Variants in HDGFL1 observed in about 807,000 individuals in gnomAD.
HDGFL1 encodes the protein HDGF like 1.
For synonymous variants in HDGFL1, 190 were observed against 165.1 expected, an observed-to-expected ratio of 1.15 and a Z score of -1.16; for missense variants, 422 against 365.3, an observed-to-expected ratio of 1.16 and a Z score of -1.27.
Position 22,570,111 on chromosome 6 carries a change from C to T in HDGFL1, c.536C>T (p.Ala179Val). 1.3e-6 allele frequency: 2 copies of T among 1,534,136 alleles called. No individual in the cohort carries two copies. The highest frequency in any genetic ancestry group is 8.8e-7 in the Non-Finnish European group (1 of 1,141,116). The change falls in exon 1 of 1, where the codon GCG (alanine) becomes GTG (valine). Residue 179 changes from alanine (A) to valine (V), a missense_variant. Physicochemically the swap from Ala to Val is moderately conservative, Grantham distance 64. Coordinates refer to ENST00000510882, the MANE Select transcript of HDGFL1 (RefSeq NM_138574.4). ...EEAEAERAAEAERAAAAAAAT... is the reference protein window; with the variant it reads ...EEAEAERAAEVERAAAAAAAT... ...GCGGAGGCGGAGAGGGCGGCGGAAG[C>T]GGAGAGGGCGGCGGCGGCGGCGGCG... is the stretch of plus-strand genomic sequence containing the variant.
chr6:22,570,133 G>GAA, the HDGFL1 span: 2 of 1,536,962 alleles, frequency 1.3e-6, no homozygotes, highest in Non-Finnish European at 1.7e-6. Context: ...CGGCGGCGGC[G>GAA]GCGGCGACGG....
In HDGFL1 at chr6:22,569,753, A is replaced by C. The variant is rs776300718; in HGVS notation, c.178A>C (p.Lys60Gln). ...FLSPKRLFPY[K>Q]ECKEKFGKPN... ...GAGTCCCAAACGCCTGTTCCCGTAC[A>C]AGGAGTGCAAGGAGAAGTTCGGCAA... Residue 60 changes from lysine (K) to glutamine (Q), a missense_variant, in exon 1 of 1, where the codon AAG becomes CAG. By Grantham distance (53) the Lys-to-Gln change is moderately conservative. Transcript: ENST00000510882. 2.5e-6 allele frequency: 4 copies of C among 1,614,058 alleles called. No individual in the cohort carries two copies. The highest frequency in any genetic ancestry group is 3.4e-6 in the Non-Finnish European group (4 of 1,180,014).
rs1299453564 is a variant in HDGFL1, at chr6:22,569,596, C to T, written c.21C>T (p.Pro7=). The change falls in exon 1 of 1, where the codon CCC becomes CCT. Residue 7 remains proline (P), a synonymous_variant. Transcript: ENST00000510882. The part of the protein sequence containing the change: MSAYGM[P]MYKSGDLVFA... Reference sequence around the variant, plus strand: ...CAGCTATGTCGGCCTACGGCATGCCCATGTACAAGAGCGGGGACCTGGTGT... The same window carrying T: ...CAGCTATGTCGGCCTACGGCATGCCTATGTACAAGAGCGGGGACCTGGTGT... The T allele has an allele frequency of 1.9e-6, 3 of 1,614,104 alleles. No individual in the cohort carries two copies. The highest frequency in any genetic ancestry group is 1.1e-5 in the South Asian group (1 of 91,078).
Position 22,570,033 on chromosome 6 carries a change from C to A in HDGFL1, c.458C>A (p.Pro153Gln), listed in dbSNP as rs1760889490. The A allele has an allele frequency of 6.5e-7, 1 of 1,546,718 alleles. No individual in the cohort carries two copies. Among genetic ancestry groups the A allele is most frequent in the African/African-American group, 1.4e-5 (1 of 73,048 alleles). ...CTGAAGAGGAGCGCGGGGGACCCGCCGGAGGACGCCCCCAAACGACCCAAG... is the reference window on the plus strand; with the variant it reads ...CTGAAGAGGAGCGCGGGGGACCCGCAGGAGGACGCCCCCAAACGACCCAAG... ...GPLKRSAGDP[P>Q]EDAPKRPKEA... Residue 153 changes from proline (P) to glutamine (Q), a missense_variant, in exon 1 of 1, where the codon CCG becomes CAG. Pro to Gln is a moderately conservative substitution (Grantham distance 76). Coordinates refer to ENST00000510882, the MANE Select transcript of HDGFL1 (RefSeq NM_138574.4).
the HDGFL1 span, chr6:22,569,814 G>A: frequency 6.2e-7 from 1 of 1,613,280 alleles, no homozygotes; most frequent in Non-Finnish European, 8.5e-7. Flanking sequence ...GCGGGGCTGT[G>A]GGAAATCGAG....
chr6:22,570,157 G>A lies in HDGFL1; in HGVS notation c.582G>A (p.Glu194=), dbSNP rs1164834070. 2.6e-6 allele frequency: 4 copies of A among 1,556,156 alleles called. No individual in the cohort carries two copies. Among genetic ancestry groups the A allele is most frequent in the African/African-American group, 1.4e-5 (1 of 73,758 alleles). ...AAAAATAVDE[E]SPFLVAVENG... is the part of the protein sequence containing the mutation. ...CGGCGGCGACGGCCGTCGACGAGGA[G>A]AGTCCGTTCCTCGTGGCGGTGGAGA... Residue 194 remains glutamate, a synonymous_variant, in exon 1 of 1, where the codon GAG becomes GAA. Coordinates refer to ENST00000510882, the MANE Select transcript of HDGFL1 (RefSeq NM_138574.4).
In HDGFL1 at chr6:22,570,443, G is replaced by C. The variant is rs532324381; in HGVS notation, c.*112G>C. 8 of 1,180,390 alleles carry C rather than the reference G, an allele frequency of 6.8e-6. No homozygotes were observed. The highest frequency in any genetic ancestry group is 3.3e-5 in the African/African-American group (2 of 61,532). The allele number at this position is 1,180,390 out of a possible 1,614,324, so 73.1% of individuals were successfully genotyped here. A position where few individuals can be genotyped will look rare whatever the true frequency, so the allele number is the denominator to read the frequency against. On this transcript the variant is annotated 3_prime_UTR_variant, in exon 1 of 1. Transcript: ENST00000510882. ...GACTGCCTTTCCCTCTCCTCAGCCC[G>C]TCCTCCTCCAACCCGCGCTCCTTTG...
the HDGFL1 span, chr6:22,570,301 AC>A: frequency 6.7e-7 from 1 of 1,498,848 alleles, no homozygotes; most frequent in African/African-American, 1.4e-5. Context: ...ATGCCGAGGC[AC>A]CGGGCGGCGG....
At position 22,570,482 on chromosome 6, in the gene HDGFL1, C is replaced by G. The variant is rs1760906208; in HGVS notation, c.*151C>G. 1 of 716,234 alleles carries G rather than the reference C, an allele frequency of 1.4e-6. No homozygotes were observed. Among genetic ancestry groups the G allele is most frequent in the Non-Finnish European group, 2.1e-6 (1 of 483,532 alleles). 44.4% of individuals were successfully genotyped at this position (716,234 alleles called of 1,614,324 possible). A position where few individuals can be genotyped will look rare whatever the true frequency, so the allele number is the denominator to read the frequency against. On this transcript the variant is annotated 3_prime_UTR_variant, in exon 1 of 1. Coordinates refer to ENST00000510882, the MANE Select transcript of HDGFL1 (RefSeq NM_138574.4). Reference sequence around the variant, plus strand: ...CGCGCTCCTTTGCCCTGCCGGGCCCCAGGATGGCAGGCCACCTGACTCTCA... The same window carrying G: ...CGCGCTCCTTTGCCCTGCCGGGCCCGAGGATGGCAGGCCACCTGACTCTCA...
rs1278139062 is a variant in HDGFL1 at position 22,570,223 on chromosome 6, G to T, written c.648G>T (p.Pro216=). Reference sequence around the variant, plus strand: ...GCGAGCCGGGCCTGGTCTGCGAGCCGCCTCAGCCAGAGGAGGAGGAGCTCC... The same window carrying T: ...GCGAGCCGGGCCTGGTCTGCGAGCCTCCTCAGCCAGAGGAGGAGGAGCTCC... ...APSEPGLVCE[P]PQPEEEELRE... is the part of the protein sequence containing the mutation. Residue 216 remains proline, a synonymous_variant, in exon 1 of 1, where the codon CCG becomes CCT. Coordinates refer to ENST00000510882, the MANE Select transcript of HDGFL1 (RefSeq NM_138574.4). The T allele has an allele frequency of 6.4e-7, 1 of 1,564,548 alleles. No individual in the cohort carries two copies.
rs999761877 is a variant in HDGFL1 at position 22,570,145 on chromosome 6, C to T, written c.570C>T (p.Ala190=). The T allele has an allele frequency of 3.3e-6, 5 of 1,536,936 alleles. No individual in the cohort carries two copies. Among genetic ancestry groups the T allele is most frequent in the Admixed American group, 2.1e-5 (1 of 46,762 alleles). Residue 190 remains alanine (A), a synonymous_variant, in exon 1 of 1, where the codon GCC becomes GCT. Coordinates refer to ENST00000510882, the MANE Select transcript of HDGFL1 (RefSeq NM_138574.4). ...ERAAAAAAAT[A]VDEESPFLVA... ...CGGCGGCGGCGGCGGCGGCGACGGC[C>T]GTCGACGAGGAGAGTCCGTTCCTCG... is the stretch of plus-strand genomic sequence containing the variant.
chr6:22,570,471 C>G lies in HDGFL1; in HGVS notation c.*140C>G. ...CTCCTCCAACCCGCGCTCCTTTGCC[C>G]TGCCGGGCCCCAGGATGGCAGGCCA... is the stretch of plus-strand genomic sequence containing the variant. On this transcript the variant is annotated 3_prime_UTR_variant, in exon 1 of 1. Coordinates refer to ENST00000510882, the MANE Select transcript of HDGFL1 (RefSeq NM_138574.4). 1.1e-6 allele frequency: 1 copy of G among 889,300 alleles called. No individual in the cohort carries two copies. Among genetic ancestry groups the G allele is most frequent in the Admixed American group, 3.9e-5 (1 of 25,546 alleles). 55.1% of individuals were successfully genotyped at this position (889,300 alleles called of 1,614,324 possible).
the HDGFL1 span, chr6:22,569,939 GC>G: frequency 1.3e-6 from 2 of 1,552,812 alleles, no homozygotes; most frequent in Non-Finnish European, 1.7e-6. Context: ...GCCGACCCAC[GC>G]TGGTGGCGGC....
At position 22,569,857 on chromosome 6, in the gene HDGFL1, A is replaced by G. The variant is rs1760882997; in HGVS notation, c.282A>G (p.Pro94=). The change falls in exon 1 of 1, where the codon CCA becomes CCG. Residue 94 remains proline, a synonymous_variant. Coordinates refer to ENST00000510882, the MANE Select transcript of HDGFL1 (RefSeq NM_138574.4). Reference sequence around the variant, plus strand: ...CCACGGTCCAGGCCTCCGACTGCCCATTAGCCTCAGAGAAGGGCAGCGGAG... The same window carrying G: ...CCACGGTCCAGGCCTCCGACTGCCCGTTAGCCTCAGAGAAGGGCAGCGGAG... ...NNPTVQASDC[P]LASEKGSGDG... is the part of the protein sequence containing the mutation. 1.2e-6 allele frequency: 2 copies of G among 1,600,750 alleles called. No homozygotes were observed. The highest frequency in any genetic ancestry group is 1.1e-5 in the South Asian group (1 of 89,256).
In HDGFL1 at chr6:22,570,199, C is replaced by G; in HGVS notation, c.624C>G (p.Ser208Arg). The G allele has an allele frequency of 1.3e-6, 2 of 1,563,894 alleles. No individual in the cohort carries two copies. Among genetic ancestry groups the G allele is most frequent in the Non-Finnish European group, 8.6e-7 (1 of 1,159,932 alleles). ...LVAVENGSAP[S>R]EPGLVCEPPQ... ...CGGTGGAGAACGGCAGCGCCCCTAG[C>G]GAGCCGGGCCTGGTCTGCGAGCCGC... The change falls in exon 1 of 1, where the codon AGC (serine) becomes AGG (arginine). Residue 208 changes from serine to arginine, a missense_variant. Ser to Arg is a moderately radical substitution (Grantham distance 110, BLOSUM62 -1). Coordinates refer to ENST00000510882, the MANE Select transcript of HDGFL1 (RefSeq NM_138574.4).
chr6:22,569,599 G>C lies in HDGFL1; in HGVS notation c.24G>C (p.Met8Ile). 6.2e-7 allele frequency: 1 copy of C among 1,614,136 alleles called. No individual in the cohort carries two copies. The highest frequency in any genetic ancestry group is 8.5e-7 in the Non-Finnish European group (1 of 1,180,008). ...CTATGTCGGCCTACGGCATGCCCAT[G>C]TACAAGAGCGGGGACCTGGTGTTTG... is the stretch of plus-strand genomic sequence containing the variant. Reference protein sequence around the residue: MSAYGMPMYKSGDLVFAK... With the variant: MSAYGMPIYKSGDLVFAK... Residue 8 changes from methionine to isoleucine, a missense_variant, in exon 1 of 1, where the codon ATG (methionine) becomes ATC (isoleucine). By Grantham distance (10) the Met-to-Ile change is conservative (BLOSUM62 1). Transcript: ENST00000510882.
rs781203826 is a variant in HDGFL1 at position 22,569,644 on chromosome 6, C to T, written c.69C>T (p.Ala23=). 1 of 1,614,174 alleles carries T rather than the reference C, an allele frequency of 6.2e-7. No individual in the cohort carries two copies. The highest frequency in any genetic ancestry group is 1.1e-5 in the South Asian group (1 of 91,088). Residue 23 remains alanine (A), a synonymous_variant, in exon 1 of 1, where the codon GCC becomes GCT. Transcript: ENST00000510882. ...TGTTTGCCAAGTTAAAGGGCTATGC[C>T]CACTGGCCGGCGAGGATAGAGCACA... is the stretch of plus-strand genomic sequence containing the variant. ...DLVFAKLKGY[A]HWPARIEHMT...
chr6:22,570,451 C>G lies in HDGFL1; in HGVS notation c.*120C>G. On this transcript the variant is annotated 3_prime_UTR_variant, in exon 1 of 1. Coordinates refer to ENST00000510882, the MANE Select transcript of HDGFL1 (RefSeq NM_138574.4). ...TTCCCTCTCCTCAGCCCGTCCTCCT[C>G]CAACCCGCGCTCCTTTGCCCTGCCG... is the stretch of plus-strand genomic sequence containing the variant. 1 of 1,093,372 alleles carries G rather than the reference C, an allele frequency of 9.1e-7. No homozygotes were observed. The allele number at this position is 1,093,372 out of a possible 1,614,324, so 67.7% of individuals were successfully genotyped here. A position where few individuals can be genotyped will look rare whatever the true frequency, so the allele number is the denominator to read the frequency against.
In HDGFL1 at chr6:22,570,109, AGCGGAGAGGGCGGCGGCG is replaced by A; in HGVS notation, c.539_556del (p.Glu180_Ala185del). ...AGGCGGAGGCGGAGAGGGCGGCGGA[AGCGGAGAGGGCGGCGGCG>A]GCGGCGGCGGCGACGGCCGTCGACG... On this transcript the variant is annotated inframe_deletion, in exon 1 of 1. Coordinates refer to ENST00000510882, the MANE Select transcript of HDGFL1 (RefSeq NM_138574.4). 2 of 1,533,922 alleles carry A rather than the reference AGCGGAGAGGGCGGCGGCG, an allele frequency of 1.3e-6. No homozygotes were observed. Among genetic ancestry groups the A allele is most frequent in the Non-Finnish European group, 1.8e-6 (2 of 1,140,618 alleles).
Sources: allele counts gnomAD v4.1 joint callset, GRCh38; gene constraint gnomAD v4.1.1; transcripts MANE v1.5; gene names NCBI Gene and HGNC (gene_info 2026-07-23, HGNC 2026-07-21).